ANK3: variants seen among roughly 807,000 people sequenced by gnomAD.
ANK3 encodes ankyrin-3.
A neutral mutation model predicts 370.9 loss-of-function variants in ANK3; 57 were observed. The observed-to-expected ratio is 0.15, with a 90% confidence interval of 0.12 to 0.19. ANK3 has a LOEUF of 0.19. Ranked by LOEUF, ANK3 falls within the 10% of genes least tolerant of loss-of-function variation. The pLI is 1.00. For missense variants in ANK3, 4,439 were observed against 5,302.1 expected (o/e 0.84, Z 5.06); for synonymous variants, 1,929 against 1,946.3 (o/e 0.99, Z 0.23).
chr10:60,630,757 T>C (rs1320373976), intron 1 of ANK3, among the ~76,000 whole-genome samples: 1 of 151,748 alleles, frequency 6.6e-6, no homozygotes, highest in Non-Finnish European at 1.5e-5. Flanking sequence ...TCAGTGGGGG[T>C]AAAGAGCATA....
intron 5 of ANK3, among the ~76,000 whole-genome samples, chr10:60,266,899 T>A (rs2097889086): frequency 6.6e-6 from 1 of 152,168 alleles, no homozygotes; most frequent in Non-Finnish European, 1.5e-5. Context: ...TGAAACATAA[T>A]AGGTGCTTAA....
intron 2 of ANK3, among the ~76,000 whole-genome samples, chr10:60,402,517 T>C (rs931753391): frequency 6.6e-6 from 1 of 152,182 alleles, no homozygotes; most frequent in Non-Finnish European, 1.5e-5. Flanking sequence ...ATATGCACAC[T>C]CACTTGGAAT....
chr10:60,280,055 A>C (rs553305343), intron 1 of ANK3, among the ~76,000 whole-genome samples: 4 of 152,286 alleles, frequency 2.6e-5, no homozygotes, highest in Admixed American at 6.5e-5. Flanking sequence ...TAATGGATTC[A>C]AAATGGCATT....
At chr10:60,414,764 G>A (rs1198635333) in intron 2 of ANK3, among the ~76,000 whole-genome samples, 1 of 152,172 alleles carries the variant, frequency 6.6e-6, no homozygotes, top group Non-Finnish European at 1.5e-5. Context: ...GTCATAAAAA[G>A]TTGGTGGCAG....
intron 2 of ANK3, among the ~76,000 whole-genome samples, chr10:60,422,258 C>T (rs2063794133): frequency 6.6e-6 from 1 of 152,068 alleles, no homozygotes; most frequent in African/African-American, 2.4e-5. Context: ...CCACAAGGAA[C>T]AAAAATTCAT....
intron 2 of ANK3, among the ~76,000 whole-genome samples, chr10:60,495,500 T>C (rs942555930): frequency 6.6e-6 from 1 of 152,120 alleles, no homozygotes; most frequent in African/African-American, 2.4e-5. Flanking sequence ...ATTGAAATAA[T>C]ACAGAGCCCA....
intron 1 of ANK3, among the ~76,000 whole-genome samples, chr10:60,352,931 G>A (rs574496502): frequency 1.3e-5 from 2 of 152,188 alleles, no homozygotes; most frequent in African/African-American, 2.4e-5. Context: ...AAAAGGGATG[G>A]AGAAAGAGAG....
Position 60,059,410 on chromosome 10 carries a change from T to A in ANK3, c.12616A>T (p.Ser4206Cys), listed in dbSNP as rs1256009201. 1 of 1,614,138 alleles carries A rather than the reference T, an allele frequency of 6.2e-7. No individual in the cohort carries two copies. The highest frequency in any genetic ancestry group is 1.1e-5 in the South Asian group (1 of 91,080). The part of the protein sequence containing the change: ...PVDGWQNETS[S>C]GNLESCAQAR... The stretch of plus-strand genomic sequence containing the variant: ...TGAGCGCAGGACTCTAGGTTTCCAC[T>A]TGATGTCTCATTCTGCCAACCTGTA... The change falls in exon 41 of 44, where the codon AGT becomes TGT. Residue 4206 changes from serine to cysteine, a missense_variant. Coordinates refer to ENST00000280772, the MANE Select transcript of ANK3 (RefSeq NM_020987.5).
chr10:60,436,436 T>C (rs1345655890), intron 2 of ANK3, among the ~76,000 whole-genome samples: 1 of 152,268 alleles, frequency 6.6e-6, no homozygotes, highest in Non-Finnish European at 1.5e-5. Context: ...ACCAGCAGTG[T>C]GTGAGGGTTC....
At chr10:60,710,756 G>A (rs1185224498) in intron 1 of ANK3, among the ~76,000 whole-genome samples, 1 of 152,154 alleles carries the variant, frequency 6.6e-6, no homozygotes, top group East Asian at 1.9e-4. Context: ...CCATCAGCAA[G>A]CTGGAGACCC....
chr10:60,230,506 A>T (rs1287874656), intron 8 of ANK3, among the ~76,000 whole-genome samples: 2 of 152,222 alleles, frequency 1.3e-5, no homozygotes, highest in African/African-American at 4.8e-5. Flanking sequence ...TATCAACAGG[A>T]ACATGAGTTA....
chr10:60,176,418 G>C (rs1374805119), intron 18 of ANK3, among the ~76,000 whole-genome samples: 1 of 149,798 alleles, frequency 6.7e-6, no homozygotes, highest in East Asian at 2.0e-4. Flanking sequence ...AAAAGAAATT[G>C]TCATTTCTAA....
intron 42 of ANK3, chr10:60,051,356 G>A (rs541919847): frequency 2.9e-5 from 10 of 343,770 alleles, no homozygotes; most frequent in Admixed American, 1.9e-4. Context: ...ATTACACAAA[G>A]CCATTTCATT....
Position 60,108,918 on chromosome 10 carries a change from T to C in ANK3, c.3085A>G (p.Lys1029Glu). The change falls in exon 27 of 44, where the codon AAA becomes GAA. Residue 1029 changes from lysine (K) to glutamate (E), a missense_variant. Transcript: ENST00000280772. The part of the protein sequence containing the change: ...RITCRLVKRH[K>E]LANPPPMVEG... ...ACCATGGGGGGTGGGTTGGCCAGTT[T>C]ATGTCTCTTTACCAAACGGCAGGTG... 1 of 1,614,110 alleles carries C rather than the reference T, an allele frequency of 6.2e-7. No individual in the cohort carries two copies. The highest frequency in any genetic ancestry group is 8.5e-7 in the Non-Finnish European group (1 of 1,179,976).
chr10:60,290,094 T>C (rs917789204), intron 1 of ANK3, among the ~76,000 whole-genome samples: 5 of 152,204 alleles, frequency 3.3e-5, no homozygotes, highest in African/African-American at 1.2e-4. Context: ...TTTTTATAGA[T>C]ATCTTGCACA....
At chr10:60,101,998 G>A (rs756072764) in intron 28 of ANK3, among the ~76,000 whole-genome samples, 25 of 152,082 alleles carry the variant, frequency 1.6e-4, no homozygotes, top group Middle Eastern at 6.8e-3. Flanking sequence ...GGAGTCAGAA[G>A]TCCAGGTTTG....
rs940026944 is a variant in ANK3 at position 60,589,362 on chromosome 10, T to C, written c.96+25824A>G. Among the ~76,000 whole-genome samples, 6 of 152,348 alleles carry C rather than the reference T, an allele frequency of 3.9e-5. No individual in the cohort carries two copies. In the Middle Eastern group the frequency reaches 0.01, roughly 259 times the overall value. Reference sequence around the variant, plus strand: ...GGCAAAATAAACAATATCAATCTCATAGAAGCTCTTAATAAGTCTGATCCT... The same window carrying C: ...GGCAAAATAAACAATATCAATCTCACAGAAGCTCTTAATAAGTCTGATCCT... On this transcript the variant is annotated intron_variant, in intron 2 of 43. Coordinates refer to the ANK3 transcript ENST00000373827.
At position 60,071,036 on chromosome 10, in the gene ANK3, A is replaced by G. The variant is rs749603197; in HGVS notation, c.9845T>C (p.Ile3282Thr). 11 of 1,614,044 alleles carry G rather than the reference A, an allele frequency of 6.8e-6. No individual in the cohort carries two copies. The highest frequency in any genetic ancestry group is 3.3e-5 in the Admixed American group (2 of 60,002). Reference protein sequence around the residue: ...HYLPEKEVDMIEVNLQDEHDK... With the variant: ...HYLPEKEVDMTEVNLQDEHDK... ...ATGCTCATCTTGCAGATTGACTTCA[A>G]TCATGTCAACCTCTTTTTCTGGGAG... Residue 3282 changes from isoleucine to threonine, a missense_variant, in exon 37 of 44, where the codon ATT becomes ACT. Transcript: ENST00000280772.
chr10:60,643,719 G>A (rs892836271), intron 1 of ANK3, among the ~76,000 whole-genome samples: 1 of 152,026 alleles, frequency 6.6e-6, no homozygotes, highest in African/African-American at 2.4e-5. Flanking sequence ...CCCATCTCCC[G>A]AAGCCCAGTG....
Sources: gnomAD v4.1 joint callset for allele counts (sites outside exome capture counted in the v4.1 genomes callset) on GRCh38, gnomAD v4.1.1 for gene constraint, MANE v1.5 for transcripts, NCBI Gene and HGNC (gene_info 2026-07-23, HGNC 2026-07-21) for gene names.